Variants in UGT1A4 observed in about 807,000 individuals in gnomAD.
UGT1A4 encodes UDP glucuronosyltransferase family 1 member A4.
A neutral mutation model predicts 41.1 loss-of-function variants in UGT1A4; 32 were observed. The observed-to-expected ratio is 0.78, with a 90% CI of 0.59 to 1.05. The LOEUF is 1.05. Among genes scored for constraint, UGT1A4 ranks in the 50% least tolerant of loss-of-function variants. The pLI, the probability that UGT1A4 is intolerant of heterozygous loss-of-function variation, is 0.00. For synonymous variants in UGT1A4, 283 were observed against 265.1 expected (o/e 1.07, Z -0.66); for missense variants, 748 against 677.4 (o/e 1.10, Z -1.16).
intron 1 of UGT1A4, among the ~76,000 whole-genome samples, chr2:233,744,802 A>T (rs1263878691): frequency 6.6e-6 from 1 of 151,904 alleles, no homozygotes; most frequent in Non-Finnish European, 1.5e-5. Context: ...GGGGATCCCT[A>T]GGATTTCCTG....
In UGT1A4 at chr2:233,748,281, A is replaced by G. The variant is rs187598208; in HGVS notation, c.868-18753A>G. 1.2e-3 allele frequency among the ~76,000 whole-genome samples: 189 copies of G among 151,888 alleles called. 5 individuals are homozygous for G. The highest frequency in any genetic ancestry group is 4.3e-3 in the African/African-American group (178 of 41,188). ...TTAAATGGTCAATGAGAGGAAGAAG[A>G]GGCAGACATGAATGTTTATCAAAGG... On this transcript the variant is annotated intron_variant, in intron 1 of 4. Coordinates refer to ENST00000373409, the MANE Select transcript of UGT1A4 (RefSeq NM_007120.3).
At chr2:233,760,974 G>C in intron 1 of UGT1A4, 1 of 1,614,120 alleles carries the variant, frequency 6.2e-7, no homozygotes, top group Non-Finnish European at 8.5e-7. Flanking sequence ...TTTATTCCCC[G>C]TATGCAACCC....
chr2:233,743,608 G>A (rs1692376104), intron 1 of UGT1A4: 5 of 1,367,320 alleles, frequency 3.7e-6, no homozygotes, highest in Non-Finnish European at 4.9e-6. Context: ...GGCCGCCGAA[G>A]AACTCCCTGA....
intron 1 of UGT1A4, among the ~76,000 whole-genome samples, chr2:233,742,294 T>C (rs1176827830): frequency 3.3e-5 from 5 of 152,006 alleles, no homozygotes; most frequent in African/African-American, 1.2e-4. Context: ...CTATAGATTA[T>C]AGATTAACTA....
chr2:233,743,403 G>A (rs1209113802), intron 1 of UGT1A4: 4 of 1,297,134 alleles, frequency 3.1e-6, no homozygotes, highest in South Asian at 1.2e-5. Flanking sequence ...AGGAAGAAAG[G>A]CCCCCACTTC....
At chr2:233,746,132 G>C (rs998349575) in intron 1 of UGT1A4, among the ~76,000 whole-genome samples, 5 of 151,792 alleles carry the variant, frequency 3.3e-5, no homozygotes, top group African/African-American at 1.2e-4. Context: ...CTGTGGACTG[G>C]CACCTGAGTG....
At chr2:233,732,349 T>A (rs1331822531) in intron 1 of UGT1A4, among the ~76,000 whole-genome samples, 1 of 152,014 alleles carries the variant, frequency 6.6e-6, no homozygotes, top group Non-Finnish European at 1.5e-5. Flanking sequence ...GGTGTTTTAG[T>A]CATGAAGTCC....
chr2:233,749,360 T>C (rs1258225347), intron 1 of UGT1A4, among the ~76,000 whole-genome samples: 1 of 151,902 alleles, frequency 6.6e-6, no homozygotes, highest in South Asian at 2.1e-4. Flanking sequence ...AAATAGTGAC[T>C]CTTGCCCTTT....
At chr2:233,763,485 C>G (rs763947440) in intron 1 of UGT1A4, among the ~76,000 whole-genome samples, 4 of 152,140 alleles carry the variant, frequency 2.6e-5, no homozygotes, top group Non-Finnish European at 4.4e-5. Context: ...TTGATTGTAA[C>G]TCTCTCAGTT....
intron 1 of UGT1A4, among the ~76,000 whole-genome samples, chr2:233,734,101 T>TATAATA (rs549143261): frequency 6.3e-4 from 96 of 151,394 alleles, no homozygotes; most frequent in African/African-American, 1.8e-3. Flanking sequence ...AAACTTAAAG[T>TATAATA]ATAATAATAA....
At chr2:233,726,824 AT>A (rs2077564743) in intron 1 of UGT1A4, among the ~76,000 whole-genome samples, 1 of 152,136 alleles carries the variant, frequency 6.6e-6, no homozygotes, top group Non-Finnish European at 1.5e-5. Context: ...CTATTCGACC[AT>A]TTAAATTTAA....
At chr2:233,720,101 A>G (rs12468356) in intron 1 of UGT1A4, among the ~76,000 whole-genome samples, 12,183 of 152,260 alleles carry the variant, frequency 0.08, 621 homozygotes, top group East Asian at 0.2. Flanking sequence ...TAGTGGTCCC[A>G]TCTTGCGAAA....
intron 1 of UGT1A4, among the ~76,000 whole-genome samples, chr2:233,758,427 TCA>T (rs1169945627): frequency 6.6e-6 from 1 of 152,228 alleles, no homozygotes; most frequent in Non-Finnish European, 1.5e-5. Context: ...GCAAATGAAC[TCA>T]CACAGCATTG....
At position 233,728,183 on chromosome 2, in the gene UGT1A4, A is replaced by G. The variant is rs539668176; in HGVS notation, c.867+8496A>G. ...GTTCTGGAGGAACCATTCTTATCAG[A>G]ACTTGGTGCTGGATTGACTTGGAGA... On this transcript the variant is annotated intron_variant, in intron 1 of 4. Coordinates refer to ENST00000373409, the MANE Select transcript of UGT1A4 (RefSeq NM_007120.3). Among the ~76,000 whole-genome samples the G allele has an allele frequency of 2.0e-5, 3 of 152,306 alleles. No individual in the cohort carries two copies. In the South Asian group the frequency reaches 6.2e-4, roughly 32 times the overall value.
Position 233,773,207 on chromosome 2 carries a change from A to G in UGT1A4, c.*648A>G, listed in dbSNP as rs1436243452. On this transcript the variant is annotated 3_prime_UTR_variant, in exon 5 of 5. Coordinates refer to ENST00000373409, the MANE Select transcript of UGT1A4 (RefSeq NM_007120.3). ...TCAAATGGAGCTGAATTTGATAAAAACCCAAAATACAGCTATGAAGTGCTG... is the reference window on the plus strand; with the variant it reads ...TCAAATGGAGCTGAATTTGATAAAAGCCCAAAATACAGCTATGAAGTGCTG... 1 of 152,384 alleles carries G rather than the reference A, an allele frequency of 6.6e-6. No homozygotes were observed. The highest frequency in any genetic ancestry group is 2.4e-5 in the African/African-American group (1 of 41,416). The allele number at this position is 152,384 out of a possible 1,614,324, so 9.4% of individuals were successfully genotyped here. A position where few individuals can be genotyped will look rare whatever the true frequency, so the allele number is the denominator to read the frequency against.
At chr2:233,729,141 C>T (rs751723491) in intron 1 of UGT1A4, 1 of 1,613,272 alleles carries the variant, frequency 6.2e-7, no homozygotes, top group Admixed American at 1.7e-5. Flanking sequence ...CCACAGGACT[C>T]CAGGTTCCCC....
chr2:233,753,414 T>C (rs1264924326), intron 1 of UGT1A4: 1 of 152,196 alleles, frequency 6.6e-6, no homozygotes, highest in Non-Finnish European at 1.5e-5. Flanking sequence ...CCAAACCCAT[T>C]GTCACAGTAT....
Position 233,769,754 on chromosome 2 carries a change from C to T in UGT1A4, c.1307+1315C>T. On this transcript the variant is annotated intron_variant, in intron 4 of 4. Coordinates refer to ENST00000373409, the MANE Select transcript of UGT1A4 (RefSeq NM_007120.3). The surrounding 1 kb of genome is among the most constrained non-coding windows in gnomAD (Gnocchi z 4.4). ...CCTGTAGTCCCAGCCACTCTGGAGGCTAAGGCGGGAGGATTGCTTGAGCCC... is the reference window on the plus strand; with the variant it reads ...CCTGTAGTCCCAGCCACTCTGGAGGTTAAGGCGGGAGGATTGCTTGAGCCC... The T allele has an allele frequency of 7.0e-7, 1 of 1,426,418 alleles. No homozygotes were observed. Among genetic ancestry groups the T allele is most frequent in the African/African-American group, 1.4e-5 (1 of 70,050 alleles). The allele number at this position is 1,426,418 out of a possible 1,614,324, so 88.4% of individuals were successfully genotyped here.
chr2:233,760,577 A>G (rs1222761790), intron 1 of UGT1A4: 2 of 1,614,128 alleles, frequency 1.2e-6, no homozygotes, highest in Non-Finnish European at 1.7e-6. Context: ...AGTCTCGGGC[A>G]TAATGTTTTT....
Sources: allele counts gnomAD v4.1 joint callset (sites outside exome capture counted in the v4.1 genomes callset), GRCh38; gene constraint gnomAD v4.1.1; non-coding constraint Gnocchi (gnomAD v3.1); transcripts MANE v1.5; gene names NCBI Gene and HGNC (gene_info 2026-07-23, HGNC 2026-07-21).